The following ZBTB7C variants were observed in gnomAD, a reference collection of about 807,000 sequenced individuals.
The protein encoded by ZBTB7C is zinc finger and BTB domain-containing protein 7C.
In ZBTB7C, 8 loss-of-function variants were observed where a neutral mutation model predicts 25.7. The observed-to-expected ratio is 0.31, with a 90% confidence interval of 0.18 to 0.56. ZBTB7C has a LOEUF of 0.56. ZBTB7C is among the 20% of genes least tolerant of loss of function. The pLI is 0.91. For missense variants in ZBTB7C, 824 were observed against 855.2 expected, an observed-to-expected ratio of 0.96 and a Z score of 0.46; for synonymous variants, 394 against 369.0, an observed-to-expected ratio of 1.07 and a Z score of -0.78.
At chr18:48,066,927 C>A (rs1262273059) in intron 3 of ZBTB7C, among the ~76,000 whole-genome samples, 3 of 152,090 alleles carry the variant, frequency 2.0e-5, no homozygotes, top group African/African-American at 7.2e-5. Context: ...CATGGTCAAA[C>A]CCTGTCTCTA....
intron 3 of ZBTB7C, among the ~76,000 whole-genome samples, chr18:48,118,519 C>A (rs2039522788): frequency 6.6e-6 from 1 of 152,142 alleles, no homozygotes; most frequent in Non-Finnish European, 1.5e-5. Flanking sequence ...GTAAAAAGTT[C>A]ATTAAGAAAC....
intron 3 of ZBTB7C, among the ~76,000 whole-genome samples, chr18:48,124,256 C>T (rs2039726812): frequency 6.6e-6 from 1 of 152,190 alleles, no homozygotes; most frequent in South Asian, 2.1e-4. Context: ...TCAGGCAAGC[C>T]TGGGATGGCA....
chr18:48,040,193 GA>G lies in ZBTB7C; in HGVS notation c.914del (p.Phe305SerfsTer34). On this transcript the variant is annotated frameshift_variant, in exon 4 of 5. Coordinates refer to ENST00000590800, the MANE Select transcript of ZBTB7C (RefSeq NM_001318841.2). LOFTEE classifies it high-confidence loss of function. ...ACATGTCCTTGAAGAAGTCATTAGG[GA>G]AGGGTGGCGGTGGGGGTGGGGGCAG... is the stretch of plus-strand genomic sequence containing the variant. ...EELPPPPPPP[F>X]PNDFFKDMFP... 6.4e-7 allele frequency: 1 copy of G among 1,574,320 alleles called. No homozygotes were observed. Among genetic ancestry groups the G allele is most frequent in the Non-Finnish European group, 8.6e-7 (1 of 1,161,940 alleles).
chr18:48,181,101 T>C (rs891869651), intron 3 of ZBTB7C, among the ~76,000 whole-genome samples: 3 of 152,222 alleles, frequency 2.0e-5, no homozygotes, highest in Non-Finnish European at 4.4e-5. Context: ...AAATAGTGCC[T>C]GTTACAGAGT....
intron 2 of ZBTB7C, among the ~76,000 whole-genome samples, chr18:48,256,845 A>G (rs1015906552): frequency 6.6e-6 from 1 of 152,086 alleles, no homozygotes; most frequent in Non-Finnish European, 1.5e-5. Context: ...CTGAGGTAAT[A>G]CAGGTAATAC....
At chr18:48,325,756 A>G (rs1202059689) in intron 2 of ZBTB7C, among the ~76,000 whole-genome samples, 2 of 152,192 alleles carry the variant, frequency 1.3e-5, no homozygotes, top group Non-Finnish European at 2.9e-5. Context: ...AGCATGGGAC[A>G]GTATCTCAGG....
chr18:48,362,090 T>C (rs550858667), intron 1 of ZBTB7C, among the ~76,000 whole-genome samples: 71 of 152,250 alleles, frequency 4.7e-4, no homozygotes, highest in Admixed American at 1.2e-3. Context: ...CTCGAAGACA[T>C]GGAACTCCAG....
At chr18:48,137,767 C>T (rs542720569) in intron 3 of ZBTB7C, among the ~76,000 whole-genome samples, 2 of 152,374 alleles carry the variant, frequency 1.3e-5, no homozygotes, top group South Asian at 2.1e-4. Context: ...CTCGAACAAA[C>T]AGACATATCA....
At chr18:48,073,364 A>G (rs1166445969) in intron 3 of ZBTB7C, among the ~76,000 whole-genome samples, 1 of 152,052 alleles carries the variant, frequency 6.6e-6, no homozygotes, top group African/African-American at 2.4e-5. Context: ...GAGCAGGGCC[A>G]GGCGAGCAGA....
At chr18:48,106,984 T>C (rs2039052285) in intron 3 of ZBTB7C, among the ~76,000 whole-genome samples, 1 of 151,912 alleles carries the variant, frequency 6.6e-6, no homozygotes, top group Non-Finnish European at 1.5e-5. Flanking sequence ...GAAGGTGATA[T>C]AATTGGAATG....
intron 3 of ZBTB7C, among the ~76,000 whole-genome samples, chr18:48,051,194 G>C (rs1213512506): frequency 6.6e-6 from 1 of 152,216 alleles, no homozygotes; most frequent in Non-Finnish European, 1.5e-5. Flanking sequence ...TAGAGGTTTA[G>C]AGTAGGGCAA....
At chr18:48,272,807 T>C (rs941219661) in intron 2 of ZBTB7C, among the ~76,000 whole-genome samples, 2 of 152,122 alleles carry the variant, frequency 1.3e-5, no homozygotes, top group African/African-American at 2.4e-5. Flanking sequence ...CAGTGGAATG[T>C]CATTTAGCCA....
At chr18:48,036,878 A>G (rs1388440934) in intron 4 of ZBTB7C, among the ~76,000 whole-genome samples, 1 of 152,216 alleles carries the variant, frequency 6.6e-6, no homozygotes, top group African/African-American at 2.4e-5. Flanking sequence ...GGAGAATTAC[A>G]GGAAAACCTC....
At position 48,029,459 on chromosome 18, in the gene ZBTB7C, G is replaced by A. The variant is rs1193601287; in HGVS notation, c.1661C>T (p.Thr554Ile). 9.4e-6 allele frequency: 15 copies of A among 1,597,442 alleles called. No individual in the cohort carries two copies. The highest frequency in any genetic ancestry group is 1.3e-5 in the Non-Finnish European group (15 of 1,175,414). Residue 554 changes from threonine to isoleucine, a missense_variant, in exon 5 of 5, where the codon ACA becomes ATA. Physicochemically the swap from Thr to Ile is moderately conservative, Grantham distance 89 (BLOSUM62 -1). Around this residue, in one of 4 missense-constraint regions of ZBTB7C, gnomAD observed 342 missense variants for 307.0 expected, o/e 1.11. Transcript: ENST00000590800. ...CGCGCGCCCGAACAGCTTCATCTGT[G>A]TCTCCTCGAACTGCCGCTCCAGCTC... Reference protein sequence around the residue: ...LQELERQFEETQMKLFGRAQL... With the variant: ...LQELERQFEEIQMKLFGRAQL...
At chr18:48,411,091 T>C (rs982596613), upstream of ZBTB7C, among the ~76,000 whole-genome samples, 2 of 152,190 alleles carry the variant, frequency 1.3e-5, no homozygotes, top group Admixed American at 1.3e-4. Flanking sequence ...TAAACGCACA[T>C]TGCAAGATAG....
At chr18:48,202,469 C>T (rs1250575890) in intron 2 of ZBTB7C, among the ~76,000 whole-genome samples, 1 of 135,562 alleles carries the variant, frequency 7.4e-6, no homozygotes, top group Non-Finnish European at 1.5e-5. Flanking sequence ...GGGGACAAAA[C>T]CAGGTGGGGG....
chr18:48,270,464 G>C (rs1260087676), intron 2 of ZBTB7C, among the ~76,000 whole-genome samples: 1 of 150,790 alleles, frequency 6.6e-6, no homozygotes, highest in African/African-American at 2.4e-5. Flanking sequence ...GGGAGGCCCA[G>C]GTGGGCGGAT....
chr18:48,192,771 C>CTT (rs954993831), intron 2 of ZBTB7C, among the ~76,000 whole-genome samples: 3 of 152,170 alleles, frequency 2.0e-5, no homozygotes, highest in African/African-American at 7.2e-5. Flanking sequence ...GGATGATGGA[C>CTT]TTTAGTTCAT....
chr18:48,299,920 G>C (rs1487589907), intron 2 of ZBTB7C, among the ~76,000 whole-genome samples: 2 of 152,220 alleles, frequency 1.3e-5, no homozygotes, highest in Non-Finnish European at 2.9e-5. Flanking sequence ...GATAGTATAA[G>C]CTAAGGGAAT....
Sources: allele counts gnomAD v4.1 joint callset (sites outside exome capture counted in the v4.1 genomes callset), GRCh38; gene constraint gnomAD v4.1.1; regional missense constraint gnomAD v4.1.1; transcripts MANE v1.5; gene names NCBI Gene and HGNC (gene_info 2026-07-23, HGNC 2026-07-21).